Variants in PDE4A observed in about 807,000 individuals in gnomAD.
PDE4A encodes phosphodiesterase 4A, also known as 3',5'-cyclic-AMP phosphodiesterase 4A.
A neutral mutation model predicts 73.9 loss-of-function variants in PDE4A; 21 were observed. The observed-to-expected ratio is 0.28, with a 90% confidence interval of 0.20 to 0.41. The LOEUF is 0.41. Ranked by LOEUF, PDE4A falls within the 10% of genes least tolerant of loss-of-function variation. The pLI, the probability that PDE4A is intolerant of heterozygous loss-of-function variation, is 1.00. For missense variants in PDE4A, 958 were observed against 1,211.4 expected (o/e 0.79, Z 3.10); for synonymous variants, 463 against 505.4 (o/e 0.92, Z 1.13).
At chr19:10,451,353 G>A (rs921892181) in intron 6 of PDE4A, among the ~76,000 whole-genome samples, 2 of 152,096 alleles carry the variant, frequency 1.3e-5, no homozygotes, top group African/African-American at 4.8e-5. Flanking sequence ...GTGTTGTGGG[G>A]TGGGGTGTGT....
intron 7 of PDE4A, among the ~76,000 whole-genome samples, chr19:10,456,978 A>G (rs970063667): frequency 1.3e-4 from 20 of 152,216 alleles, no homozygotes; most frequent in Middle Eastern, 3.4e-3. Flanking sequence ...CAGGCGGATC[A>G]CTTGAGGTCA....
intron 1 of PDE4A, among the ~76,000 whole-genome samples, chr19:10,442,612 C>T (rs2042952537): frequency 1.3e-5 from 2 of 151,962 alleles, no homozygotes; most frequent in Admixed American, 1.3e-4. Context: ...CTGTGGGAGG[C>T]CAAAGCGGGA....
chr19:10,425,984 C>CA (rs1168197109), intron 1 of PDE4A, among the ~76,000 whole-genome samples: 3,280 of 48,226 alleles, frequency 0.068, 477 homozygotes, highest in African/African-American at 0.15. Context: ...GAGACCCTGT[C>CA]AAAAAAAAAA....
In PDE4A at chr19:10,453,696, G is replaced by T. The variant is rs978008902; in HGVS notation, c.784-1133G>T. Among the ~76,000 whole-genome samples the T allele has an allele frequency of 6.6e-6, 1 of 152,080 alleles. No individual in the cohort carries two copies. Among genetic ancestry groups the T allele is most frequent in the African/African-American group, 2.4e-5 (1 of 41,404 alleles). ...GGGTTGTGTGTCTGAGCCCAGAGCT[G>T]CCTGATATTTTGGGGACATGTGACC... is the stretch of plus-strand genomic sequence containing the variant. On this transcript the variant is annotated intron_variant, in intron 6 of 14. Coordinates refer to ENST00000380702, the MANE Select transcript of PDE4A (RefSeq NM_001111307.2). This position sits in a 1 kb window ranked among gnomAD's most constrained non-coding sequence, Gnocchi z 4.6.
At chr19:10,466,060 T>C (rs1355899098) in intron 14 of PDE4A, among the ~76,000 whole-genome samples, 1 of 147,932 alleles carries the variant, frequency 6.8e-6, no homozygotes, top group Non-Finnish European at 1.5e-5. Context: ...TGGAGTGCAA[T>C]GGCACAATCT....
chr19:10,466,534 G>A (rs1234220314), intron 14 of PDE4A, among the ~76,000 whole-genome samples: 10 of 149,094 alleles, frequency 6.7e-5, no homozygotes, highest in African/African-American at 2.0e-4. Context: ...GTCTTGCTCT[G>A]TCACCCAGGC....
At chr19:10,432,459 G>A (rs1254771437) in intron 1 of PDE4A, 4 of 1,488,280 alleles carry the variant, frequency 2.7e-6, no homozygotes, top group South Asian at 1.3e-5. Context: ...AGCGCCCCGG[G>A]CCCGGCCCCG....
At chr19:10,447,606 C>T (rs1210243665) in intron 2 of PDE4A, among the ~76,000 whole-genome samples, 3 of 151,140 alleles carry the variant, frequency 2.0e-5, no homozygotes, top group East Asian at 3.9e-4. Context: ...TGGGCTCAAG[C>T]GATCCTCCCA....
At chr19:10,418,407 A>T (rs2042608051), upstream of PDE4A, among the ~76,000 whole-genome samples, 1 of 151,972 alleles carries the variant, frequency 6.6e-6, no homozygotes, top group Admixed American at 6.6e-5. Flanking sequence ...CTCAAGAATG[A>T]GCTGGAAAGT....
Position 10,424,866 on chromosome 19 carries a change from C to T in PDE4A, c.320+3782C>T, listed in dbSNP as rs1460736326. 4.6e-5 allele frequency among the ~76,000 whole-genome samples: 7 copies of T among 152,210 alleles called. No homozygotes were observed. Among genetic ancestry groups the T allele is most frequent in the Non-Finnish European group, 8.8e-5 (6 of 68,026 alleles). ...AGCATCCTTGGCTCTGCGCTTCCTG[C>T]CCGGGAAACAGAGACCATGGGACTT... On this transcript the variant is annotated intron_variant, in intron 1 of 14. Transcript: ENST00000380702. This position sits in a 1 kb window ranked among gnomAD's most constrained non-coding sequence, Gnocchi z 4.8.
At position 10,453,835 on chromosome 19, in the gene PDE4A, G is replaced by A. The variant is rs143002112; in HGVS notation, c.784-994G>A. Reference sequence around the variant, plus strand: ...TGTGTGTGTGGTTGTGTGAGATTTTGTGGGTCCATCTTGTGTGGATGTGTG... The same window carrying A: ...TGTGTGTGTGGTTGTGTGAGATTTTATGGGTCCATCTTGTGTGGATGTGTG... On this transcript the variant is annotated intron_variant, in intron 6 of 14. Coordinates refer to ENST00000380702, the MANE Select transcript of PDE4A (RefSeq NM_001111307.2). The surrounding 1 kb of genome is among the most constrained non-coding windows in gnomAD (Gnocchi z 4.6). 5.1e-3 allele frequency among the ~76,000 whole-genome samples: 776 copies of A among 152,210 alleles called. 6 individuals carry two copies. The highest frequency in any genetic ancestry group is 0.018 in the African/African-American group (755 of 41,506).
intron 13 of PDE4A, among the ~76,000 whole-genome samples, chr19:10,463,365 C>G (rs1164516575): frequency 1.3e-5 from 2 of 148,890 alleles, no homozygotes; most frequent in Non-Finnish European, 3.0e-5. Flanking sequence ...GCTGTGATTA[C>G]AGATGTGAGC....
rs1350923754 is a variant in PDE4A, at chr19:10,468,838, GCAGA to G, written c.*1222_*1225del. The G allele has an allele frequency of 6.5e-6, 1 of 152,770 alleles. No individual in the cohort carries two copies. The highest frequency in any genetic ancestry group is 1.5e-5 in the Non-Finnish European group (1 of 68,154). 9.5% of individuals were successfully genotyped at this position (152,770 alleles called of 1,614,324 possible). ...CCCCAGCTAGTCCCTGAGCAATACG[GCAGA>G]CAGATGCAAGACCATTTTTCTCCAA... is the stretch of plus-strand genomic sequence containing the variant. On this transcript the variant is annotated 3_prime_UTR_variant, in exon 15 of 15. Coordinates refer to ENST00000380702, the MANE Select transcript of PDE4A (RefSeq NM_001111307.2).
intron 1 of PDE4A, chr19:10,432,418 G>A (rs1251358919): frequency 1.4e-5 from 19 of 1,406,626 alleles, no homozygotes; most frequent in Non-Finnish European, 1.7e-5. Context: ...GCGCCCCGAC[G>A]ACGGCGCTTG....
intron 14 of PDE4A, 146 bp downstream of exon 14, chr19:10,464,121 G>T: frequency 5.7e-6 from 6 of 1,060,204 alleles, no homozygotes; most frequent in Non-Finnish European, 8.2e-6. Context: ...TTTTTGAGAC[G>T]GAGTCTCATT....
At chr19:10,423,980 G>T (rs1297781034) in intron 1 of PDE4A, among the ~76,000 whole-genome samples, 1 of 152,328 alleles carries the variant, frequency 6.6e-6, no homozygotes, top group Admixed American at 6.5e-5. Flanking sequence ...CAAAAAGGGG[G>T]TTTTTACCAG....
intron 6 of PDE4A, chr19:10,452,887 C>T: frequency 1.0e-6 from 1 of 966,958 alleles, no homozygotes. Flanking sequence ...CCAGCACCAC[C>T]TGACATCCCA....
chr19:10,432,223 AG>A (rs2042801891), intron 1 of PDE4A, among the ~76,000 whole-genome samples: 1 of 138,570 alleles, frequency 7.2e-6, no homozygotes, highest in African/African-American at 2.7e-5. Context: ...GGACCCCTGC[AG>A]GGGGAGGCAG....
Position 10,427,656 on chromosome 19 carries a change from G to A in PDE4A, c.320+6572G>A. The A allele has an allele frequency of 3.1e-6, 3 of 974,510 alleles. No homozygotes were observed. The South Asian group carries it at 1.4e-4, about 46-fold the overall frequency. 60.4% of individuals were successfully genotyped at this position (974,510 alleles called of 1,614,324 possible). A position where few individuals can be genotyped will look rare whatever the true frequency, so the allele number is the denominator to read the frequency against. ...CCTGTCTCTGAAGCCAGACAGCTGGGTCCATAATCCAGCTCTGATCTTTCT... is the reference window on the plus strand; with the variant it reads ...CCTGTCTCTGAAGCCAGACAGCTGGATCCATAATCCAGCTCTGATCTTTCT... On this transcript the variant is annotated intron_variant, in intron 1 of 14. Coordinates refer to ENST00000380702, the MANE Select transcript of PDE4A (RefSeq NM_001111307.2).
Sources: gnomAD v4.1 joint callset for allele counts (sites outside exome capture counted in the v4.1 genomes callset) on GRCh38, gnomAD v4.1.1 for gene constraint, Gnocchi (gnomAD v3.1) non-coding constraint, MANE v1.5 for transcripts, NCBI Gene and HGNC (gene_info 2026-07-23, HGNC 2026-07-21) for gene names.